Variants in AGRN observed in about 807,000 individuals in gnomAD.
AGRN encodes agrin proteoglycan.
AGRN carries 106 observed loss-of-function variants against 211.0 expected under a neutral mutation model. The observed-to-expected ratio is 0.50, with a 90% CI of 0.43 to 0.59. AGRN has a LOEUF of 0.59. Among genes scored for constraint, AGRN ranks in the 20% least tolerant of loss-of-function variants. The pLI is 0.00. For missense variants in AGRN, 3,040 were observed against 2,982.6 expected, an observed-to-expected ratio of 1.02 and a Z score of -0.45; for synonymous variants, 1,525 against 1,332.5, an observed-to-expected ratio of 1.14 and a Z score of -3.15.
At position 1,054,573 on chromosome 1, in the gene AGRN, G is replaced by C. The variant is rs763722666; in HGVS notation, c.5980+22G>C. On this transcript the variant is annotated intron_variant, in intron 35 of 35. Transcript: ENST00000379370. ...CTTGGTGAGTGTTTTGGGGAGACTA[G>C]AGAGGGATGCCCAAGGGTCTCATGA... 6 of 1,568,524 alleles carry C rather than the reference G, an allele frequency of 3.8e-6. No individual in the cohort carries two copies. The East Asian group carries it at 1.4e-4, about 37-fold the overall frequency.
chr1:1,042,325 G>A (rs1332651331), intron 7 of AGRN, among the ~76,000 whole-genome samples, 163 bp downstream of exon 7: 6 of 152,212 alleles, frequency 3.9e-5, no homozygotes, highest in African/African-American at 1.2e-4. Context: ...GTGTGCGGAG[G>A]GTACCTGGAT....
In AGRN at chr1:1,048,334, G is replaced by A. The variant is rs779057526; in HGVS notation, c.4074G>A (p.Pro1358=). ...ALGGGFTCSC[P]AGRGGAVCEK... ...GCGGGGGCTTCACCTGCAGCTGCCC[G>A]GCAGGCAGGGGAGGCGCCGTCTGTG... is the stretch of plus-strand genomic sequence containing the variant. The change falls in exon 23 of 36, where the codon CCG becomes CCA. Residue 1358 remains proline, a synonymous_variant. Transcript: ENST00000379370. The surrounding 1 kb of genome is among the most constrained non-coding windows in gnomAD (Gnocchi z 5.9). 1.6e-5 allele frequency: 23 copies of A among 1,472,482 alleles called. No individual in the cohort carries two copies. The highest frequency in any genetic ancestry group is 1.8e-4 in the Middle Eastern group (1 of 5,616). The allele number at this position is 1,472,482 out of a possible 1,614,324, so 91.2% of individuals were successfully genotyped here. A position where few individuals can be genotyped will look rare whatever the true frequency, so the allele number is the denominator to read the frequency against.
intron 3 of AGRN, among the ~76,000 whole-genome samples, chr1:1,038,829 C>T (rs1351580770): frequency 6.6e-6 from 1 of 151,984 alleles, no homozygotes; most frequent in Non-Finnish European, 1.5e-5. Flanking sequence ...CAAGGCAGGG[C>T]CAAAGGGAGA....
intron 12 of AGRN, 21 bp from the exon 13 acceptor site, chr1:1,045,140 G>C: frequency 6.2e-7 from 1 of 1,609,188 alleles, no homozygotes; most frequent in Non-Finnish European, 8.5e-7. Flanking sequence ...TGAAATCTGA[G>C]TCCCGTACCC....
chr1:1,021,502 C>T (rs1404837823), intron 1 of AGRN, among the ~76,000 whole-genome samples: 1 of 152,232 alleles, frequency 6.6e-6, no homozygotes. Flanking sequence ...CCCAGCCCCC[C>T]AGATCTGAGG....
Position 1,049,954 on chromosome 1 carries a change from G to A in AGRN, c.4796G>A (p.Gly1599Glu). ...CCCTGCCAGCCCAACCCCTGCCATG[G>A]GGCGGCGCCCTGCCGTGTGCTGCCC... ...KSPCQPNPCH[G>E]AAPCRVLPEG... Residue 1599 changes from glycine (G) to glutamate (E), a missense_variant, in exon 27 of 36, where the codon GGG becomes GAG. Coordinates refer to ENST00000379370, the MANE Select transcript of AGRN (RefSeq NM_198576.4). 6.2e-7 allele frequency: 1 copy of A among 1,612,262 alleles called. No individual in the cohort carries two copies. Among genetic ancestry groups the A allele is most frequent in the Non-Finnish European group, 8.5e-7 (1 of 1,179,814 alleles).
chr1:1,051,930 C>T lies in AGRN; in HGVS notation c.5651+115C>T, dbSNP rs1354974362. The stretch of plus-strand genomic sequence containing the variant: ...ACGGCCCGGTGCTGCCACCTCTGTC[C>T]TCCCGCCTCTCTCTCACCTCCCGGT... On this transcript the variant is annotated intron_variant, in intron 33 of 35. Transcript: ENST00000379370. 30 of 1,548,210 alleles carry T rather than the reference C, an allele frequency of 1.9e-5. No homozygotes were observed. In the Admixed American group the frequency reaches 5.5e-4, roughly 28 times the overall value.
At chr1:1,053,479 CG>C in intron 33 of AGRN, 1 of 1,499,172 alleles carries the variant, frequency 6.7e-7, no homozygotes, top group Non-Finnish European at 9.0e-7. Flanking sequence ...CTCTGGATTC[CG>C]GGGCCCTTCA....
intron 3 of AGRN, among the ~76,000 whole-genome samples, chr1:1,039,747 G>A (rs1644884473): frequency 6.6e-6 from 1 of 152,164 alleles, no homozygotes; most frequent in Non-Finnish European, 1.5e-5. Context: ...TCTCCAAGAA[G>A]GAAGTTCGCT....
chr1:1,042,308 G>A, intron 7 of AGRN, 146 bp downstream of exon 7: 1 of 1,099,678 alleles, frequency 9.1e-7, no homozygotes, highest in Non-Finnish European at 1.3e-6. Context: ...TGGGGAGGGT[G>A]GAGCCTGTGT....
rs557398929 is a variant in AGRN, at chr1:1,038,864, G to A, written c.512-1801G>A. Among the ~76,000 whole-genome samples, 2 of 152,336 alleles carry A rather than the reference G, an allele frequency of 1.3e-5. 1 individual carries two copies. The highest frequency in any genetic ancestry group is 4.1e-4 in the South Asian group (2 of 4,830). ...AGGGAGATGCTGAGGGGAGAGAGAA[G>A]GGGAACCAGAAGGGAAGTGAAAGGG... On this transcript the variant is annotated intron_variant, in intron 3 of 35. Transcript: ENST00000379370.
intron 27 of AGRN, 51 bp downstream of exon 27, chr1:1,050,088 TG>T: frequency 6.5e-7 from 1 of 1,537,160 alleles, no homozygotes; most frequent in Non-Finnish European, 8.8e-7. Flanking sequence ...GTTGAACGTT[TG>T]GGCGGGTACA....
At chr1:1,050,882 TTCCTCCTCGGGCGGCAGC>T in intron 30 of AGRN, 45 bp downstream of exon 30, 1 of 1,523,660 alleles carries the variant, frequency 6.6e-7, no homozygotes. Flanking sequence ...CTGCCTGCTC[TTCCTCCTCGGGCGGCAGC>T]CCCGCCCCTG....
chr1:1,041,639 C>T lies in AGRN; in HGVS notation c.1114C>T (p.Arg372Ter), dbSNP rs773668705. 1 of 1,611,260 alleles carries T rather than the reference C, an allele frequency of 6.2e-7. No homozygotes were observed. Among genetic ancestry groups the T allele is most frequent in the South Asian group, 1.1e-5 (1 of 91,000 alleles). Reference protein sequence around the residue: ...VTYENDCVMGRSGAARGLLLQ... With the variant: ...VTYENDCVMG ...CTACGAAAACGACTGTGTCATGGGCCGATCGGGGGCCGCCCGGGGTCTCCT... is the reference window on the plus strand; with the variant it reads ...CTACGAAAACGACTGTGTCATGGGCTGATCGGGGGCCGCCCGGGGTCTCCT... Residue 372 changes from arginine to a stop codon, truncating the protein, a stop_gained, in exon 6 of 36, where the codon CGA (arginine) becomes TGA (stop). Coordinates refer to ENST00000379370, the MANE Select transcript of AGRN (RefSeq NM_198576.4). LOFTEE classifies it high-confidence loss of function.
intron 19 of AGRN, 184 bp downstream of exon 19, chr1:1,047,141 A>T (rs764713304): frequency 1.5e-6 from 2 of 1,352,570 alleles, no homozygotes; most frequent in Admixed American, 4.8e-5. Context: ...GGTGTGGCAC[A>T]CTGCTCTGAG....
In AGRN at chr1:1,050,732, G is replaced by A. The variant is rs753733284; in HGVS notation, c.5148G>A (p.Arg1716=). The change falls in exon 30 of 36, where the codon AGG becomes AGA. Residue 1716 remains arginine (R), a synonymous_variant. Coordinates refer to ENST00000379370, the MANE Select transcript of AGRN (RefSeq NM_198576.4). The stretch of plus-strand genomic sequence containing the variant: ...CGCTGCCCCTCCTCACCAGGAGCAG[G>A]GAGCCAGTCACCCTGGGAGCCTGGA... ...LGKGAAVIRS[R]EPVTLGAWTR... The A allele has an allele frequency of 6.2e-7, 1 of 1,602,576 alleles. No individual in the cohort carries two copies. Among genetic ancestry groups the A allele is most frequent in the South Asian group, 1.1e-5 (1 of 90,094 alleles).
chr1:1,035,714 G>A (rs1385788107), intron 3 of AGRN, among the ~76,000 whole-genome samples: 1 of 152,294 alleles, frequency 6.6e-6, no homozygotes, highest in Non-Finnish European at 1.5e-5. Context: ...GACAGAGGCT[G>A]GAAGTGGACA....
At position 1,034,619 on chromosome 1, in the gene AGRN, G is replaced by C. The variant is rs1644755824; in HGVS notation, c.464-658G>C. On this transcript the variant is annotated intron_variant, in intron 2 of 35. Coordinates refer to ENST00000379370, the MANE Select transcript of AGRN (RefSeq NM_198576.4). ...GCCTGGCGCCTCCCTGCTGGTGCGAGGCTTCATGGTGCCCTGCAACGCCTG... is the reference window on the plus strand; with the variant it reads ...GCCTGGCGCCTCCCTGCTGGTGCGACGCTTCATGGTGCCCTGCAACGCCTG... 1.0e-5 allele frequency: 10 copies of C among 986,582 alleles called. No individual in the cohort carries two copies. The South Asian group carries it at 3.8e-4, about 37-fold the overall frequency. The allele number at this position is 986,582 out of a possible 1,614,324, so 61.1% of individuals were successfully genotyped here. A position where few individuals can be genotyped will look rare whatever the true frequency, so the allele number is the denominator to read the frequency against.
intron 2 of AGRN, chr1:1,034,094 G>A (rs1644741741): frequency 7.1e-6 from 7 of 982,338 alleles, no homozygotes; most frequent in Non-Finnish European, 8.5e-6. Context: ...CGACGCGGCC[G>A]CCCCTCCTGC....
Sources: allele counts gnomAD v4.1 joint callset (sites outside exome capture counted in the v4.1 genomes callset), GRCh38; gene constraint gnomAD v4.1.1; non-coding constraint Gnocchi (gnomAD v3.1); transcripts MANE v1.5; gene names NCBI Gene and HGNC (gene_info 2026-07-23, HGNC 2026-07-21).